The following NANOS3 variants were observed in gnomAD, a reference collection of about 807,000 sequenced individuals.
The protein encoded by NANOS3 is nanos homolog 3.
In NANOS3, 11 loss-of-function variants were observed where a neutral mutation model predicts 13.8. The ratio of observed to expected loss-of-function variants is 0.80; its 90% CI spans 0.50 to 1.32. The LOEUF is 1.32. Ranked by LOEUF, NANOS3 falls within the 40% of genes most tolerant of loss-of-function variation. The pLI is 0.00. For missense variants in NANOS3, 221 were observed against 263.8 expected (o/e 0.84, Z 1.12); for synonymous variants, 119 against 115.4 (o/e 1.03, Z -0.20).
At chr19:13,871,616 C>T (rs1976328402) in intron 1 of NANOS3, among the ~76,000 whole-genome samples, 2 of 152,192 alleles carry the variant, frequency 1.3e-5, no homozygotes, top group African/African-American at 2.4e-5. Context: ...AGAAAGGACA[C>T]ACAGGAGGTG....
chr19:13,874,775 T>C (rs1968474755), upstream of NANOS3: 1 of 534,226 alleles, frequency 1.9e-6, no homozygotes, highest in Non-Finnish European at 3.8e-6. Context: ...CCATCGACCG[T>C]TGAGTGGACC....
At chr19:13,864,307 C>G (rs1286494743), upstream of NANOS3, among the ~76,000 whole-genome samples, 1 of 152,096 alleles carries the variant, frequency 6.6e-6, no homozygotes, top group Non-Finnish European at 1.5e-5. Flanking sequence ...GGTCTGTGCA[C>G]CTGGCCTGTA....
At chr19:13,869,764 ACACACGCACGCACACACACACACACACG>A (rs1271318246) in intron 1 of NANOS3, among the ~76,000 whole-genome samples, 21 of 150,214 alleles carry the variant, frequency 1.4e-4, no homozygotes, top group Non-Finnish European at 3.0e-4. Flanking sequence ...ACACACACAC[ACACACGCACGCACACACACACACACACG>A]CACACACATA....
rs1471326516 is a variant in NANOS3 at position 13,880,441 on chromosome 19, G to C, written c.518-1G>C. On this transcript the variant is annotated splice_acceptor_variant, in intron 1 of 1. Coordinates refer to ENST00000339133, the MANE Select transcript of NANOS3 (RefSeq NM_001098622.3). LOFTEE classifies it high-confidence loss of function. ...CATTTCTCTCCCTCCCCCTCCACTAGGTTTCAGAGGTGCCGGGAAGTCTGA... is the reference window on the plus strand; with the variant it reads ...CATTTCTCTCCCTCCCCCTCCACTACGTTTCAGAGGTGCCGGGAAGTCTGA... The C allele has an allele frequency of 2.5e-6, 4 of 1,613,884 alleles. No homozygotes were observed. The South Asian group carries it at 4.4e-5, about 18-fold the overall frequency.
Position 13,877,367 on chromosome 19 carries a change from T to TGGAGCCGGTGTCAGTGCC in NANOS3, c.133_134insTGCCGGAGCCGGTGTCAG (p.Ser44_Ala45insValProGluProValSer), listed in dbSNP as rs1555721902. 2 of 1,612,326 alleles carry TGGAGCCGGTGTCAGTGCC rather than the reference T, an allele frequency of 1.2e-6. No individual in the cohort carries two copies. The highest frequency in any genetic ancestry group is 2.7e-5 in the African/African-American group (2 of 74,802). ...CCCCAGCCAGAGCCAGAGCCAATGC[T>TGGAGCCGGTGTCAGTGCC]GGAGCCGGTGTCAGCCCTGGAGCCG... On this transcript the variant is annotated inframe_insertion, in exon 1 of 2. Coordinates refer to ENST00000339133, the MANE Select transcript of NANOS3 (RefSeq NM_001098622.3).
chr19:13,866,576 C>T (rs1231778154), intron 1 of NANOS3, among the ~76,000 whole-genome samples: 1 of 152,206 alleles, frequency 6.6e-6, no homozygotes, highest in Non-Finnish European at 1.5e-5. Context: ...CACAAGGGCT[C>T]GGACATCCAG....
At chr19:13,866,758 GCA>G (rs1976247527) in intron 1 of NANOS3, among the ~76,000 whole-genome samples, 2 of 152,096 alleles carry the variant, frequency 1.3e-5, no homozygotes, top group Non-Finnish European at 1.5e-5. Flanking sequence ...CATCAGTCAG[GCA>G]CACACAGACT....
intron 1 of NANOS3, among the ~76,000 whole-genome samples, chr19:13,869,175 A>C (rs60709825): frequency 2.8e-4 from 43 of 152,058 alleles, no homozygotes; most frequent in African/African-American, 8.2e-4. Flanking sequence ...TTATTAAAAA[A>C]TTTTTTTAAT....
chr19:13,876,430 G>A (rs1245273445), upstream of NANOS3, among the ~76,000 whole-genome samples: 2 of 152,192 alleles, frequency 1.3e-5, no homozygotes, highest in African/African-American at 4.8e-5. Context: ...AAACTGTTGG[G>A]ATGACAGGCA....
At chr19:13,877,083 C>T (rs538477543), upstream of NANOS3, among the ~76,000 whole-genome samples, 5 of 152,180 alleles carry the variant, frequency 3.3e-5, no homozygotes, top group Non-Finnish European at 7.4e-5. Flanking sequence ...CTGCTCCTCC[C>T]TCTTCACACC....
At chr19:13,867,122 G>T (rs1347776498) in intron 1 of NANOS3, among the ~76,000 whole-genome samples, 1 of 152,042 alleles carries the variant, frequency 6.6e-6, no homozygotes, top group Non-Finnish European at 1.5e-5. Flanking sequence ...TGTATTTTTA[G>T]TAGAGATGGG....
upstream of NANOS3, among the ~76,000 whole-genome samples, chr19:13,873,063 G>A (rs1968428202): frequency 6.6e-6 from 1 of 152,062 alleles, no homozygotes; most frequent in Admixed American, 6.5e-5. Flanking sequence ...CTATAGAGCA[G>A]GCTTTTGTGG....
At chr19:13,868,100 C>T (rs1340391471) in intron 1 of NANOS3, among the ~76,000 whole-genome samples, 3 of 150,514 alleles carry the variant, frequency 2.0e-5, no homozygotes, top group Admixed American at 1.3e-4. Context: ...GCTCTGTCAC[C>T]CAGGCTGGAG....
intron 1 of NANOS3, among the ~76,000 whole-genome samples, chr19:13,880,208 G>A (rs116272642): frequency 6.8e-4 from 103 of 152,226 alleles, no homozygotes; most frequent in African/African-American, 2.4e-3. Context: ...AGAGCACGGC[G>A]GCCACGAGAG....
chr19:13,874,368 A>G (rs1262814737), upstream of NANOS3, among the ~76,000 whole-genome samples: 1 of 152,026 alleles, frequency 6.6e-6, no homozygotes, highest in African/African-American at 2.4e-5. Context: ...TGCCTCCTCC[A>G]CCTCGGACTA....
upstream of NANOS3, among the ~76,000 whole-genome samples, chr19:13,875,845 A>G (rs947543194): frequency 6.6e-6 from 1 of 152,190 alleles, no homozygotes; most frequent in African/African-American, 2.4e-5. Flanking sequence ...AGTTTCTTAA[A>G]TGAATGGATG....
intron 1 of NANOS3, among the ~76,000 whole-genome samples, chr19:13,879,825 G>A (rs1599306957): frequency 1.3e-5 from 2 of 152,136 alleles, no homozygotes; most frequent in Middle Eastern, 6.8e-3. Flanking sequence ...AGGAATTCAA[G>A]ACCAGCCTGG....
intron 1 of NANOS3, among the ~76,000 whole-genome samples, chr19:13,869,606 T>C (rs1449838424): frequency 6.6e-6 from 1 of 151,364 alleles, no homozygotes; most frequent in Non-Finnish European, 1.5e-5. Context: ...ACACCCCTGC[T>C]TGCCAGTCTA....
chr19:13,877,508 G>A lies in NANOS3; in HGVS notation c.260G>A (p.Arg87Gln), dbSNP rs367812554. ...TTCTGCAAACACAACGGCGAGTCCC[G>A]GGCCATCTACCAGTCCCACGTGCTG... ...CSFCKHNGESRAIYQSHVLKD... is the reference protein window; with the variant it reads ...CSFCKHNGESQAIYQSHVLKD... The change falls in exon 1 of 2, where the codon CGG (arginine) becomes CAG (glutamine). Residue 87 changes from arginine to glutamine, a missense_variant. Physicochemically the swap from Arg to Gln is conservative, Grantham distance 43. This residue lies in a region of NANOS3 where 112 missense variants were observed against 116.3 expected (regional missense o/e 0.96). Coordinates refer to ENST00000339133, the MANE Select transcript of NANOS3 (RefSeq NM_001098622.3). 8.1e-6 allele frequency: 13 copies of A among 1,611,514 alleles called. No homozygotes were observed. The African/African-American group carries it at 1.1e-4, about 13-fold the overall frequency.
Sources: allele counts gnomAD v4.1 joint callset (sites outside exome capture counted in the v4.1 genomes callset), GRCh38; gene constraint gnomAD v4.1.1; regional missense constraint gnomAD v4.1.1; transcripts MANE v1.5; gene names NCBI Gene and HGNC (gene_info 2026-07-23, HGNC 2026-07-21).